The following CRLF3 variants were observed in gnomAD, a reference collection of about 807,000 sequenced individuals.
CRLF3 encodes cytokine receptor like factor 3, also known as cytokine receptor-like factor 3.
Under a neutral mutation model 55.0 loss-of-function variants are expected in CRLF3, and 33 were observed. The observed-to-expected ratio is 0.60, with a 90% CI of 0.46 to 0.80. CRLF3 has a LOEUF of 0.80. CRLF3 is among the 30% of genes least tolerant of loss of function. CRLF3 has a pLI of 0.00. For synonymous variants in CRLF3, 238 were observed against 196.8 expected (o/e 1.21, Z -1.75); for missense variants, 494 against 538.4 (o/e 0.92, Z 0.82).
chr17:30,807,517 CTTTTTTTTTTTTTTTTTTTT>C (rs778842582), intron 1 of CRLF3, among the ~76,000 whole-genome samples: 1 of 62,972 alleles, frequency 1.6e-5, no homozygotes, highest in Non-Finnish European at 2.9e-5. Flanking sequence ...ATTTTCTTTC[CTTTTTTTTTTTTTTTTTTTT>C]TTTTTTTTTT....
chr17:30,795,613 C>G (rs936843444), intron 4 of CRLF3, among the ~76,000 whole-genome samples: 3 of 151,648 alleles, frequency 2.0e-5, no homozygotes, highest in South Asian at 2.1e-4. Flanking sequence ...TCGCTGCACT[C>G]CAGCCTGGGC....
chr17:30,793,204 A>G (rs1567661010), intron 5 of CRLF3, among the ~76,000 whole-genome samples: 16 of 152,048 alleles, frequency 1.1e-4, no homozygotes, highest in Admixed American at 8.5e-4. Context: ...TGCCCTACAT[A>G]ATATTTTCAA....
chr17:30,824,150 TCCCCG>T (rs1373561520), intron 1 of CRLF3, among the ~76,000 whole-genome samples: 1 of 151,566 alleles, frequency 6.6e-6, no homozygotes, highest in Non-Finnish European at 1.5e-5. Flanking sequence ...AATCAATGCC[TCCCCG>T]CCTACCCACC....
chr17:30,823,286 C>T (rs558224840), intron 1 of CRLF3, among the ~76,000 whole-genome samples: 31 of 151,760 alleles, frequency 2.0e-4, no homozygotes, highest in African/African-American at 6.5e-4. Context: ...CGCTTGAACC[C>T]GGGAGGCGGA....
chr17:30,788,406 C>T (rs1971700830), intron 6 of CRLF3, among the ~76,000 whole-genome samples: 1 of 149,838 alleles, frequency 6.7e-6, no homozygotes, highest in Admixed American at 6.7e-5. Context: ...AAGGAAAGAG[C>T]AGGAATGTTC....
At chr17:30,819,034 C>T (rs1184672835) in intron 1 of CRLF3, among the ~76,000 whole-genome samples, 1 of 151,908 alleles carries the variant, frequency 6.6e-6, no homozygotes, top group African/African-American at 2.4e-5. Context: ...GAAGGCTGGT[C>T]TCAAACTCCT....
intron 1 of CRLF3, among the ~76,000 whole-genome samples, chr17:30,805,713 CAAAA>C (rs58852260): frequency 1.4e-5 from 1 of 70,988 alleles, no homozygotes. Context: ...GACTCCGTCT[CAAAA>C]AAAAAAAAAA....
At position 30,783,363 on chromosome 17, in the gene CRLF3, TC is replaced by T. The variant is rs1294903709; in HGVS notation, c.*823del. The stretch of plus-strand genomic sequence containing the variant: ...CCACTGCAGTGGCTCACACCTGTAA[TC>T]CTAGCACTTTGGAAGGCTGAGGTGG... On this transcript the variant is annotated 3_prime_UTR_variant, in exon 8 of 8. Coordinates refer to ENST00000324238, the MANE Select transcript of CRLF3 (RefSeq NM_015986.4). 1 of 152,222 alleles carries T rather than the reference TC, an allele frequency of 6.6e-6. No individual in the cohort carries two copies. The highest frequency in any genetic ancestry group is 1.5e-5 in the Non-Finnish European group (1 of 68,048). The allele number at this position is 152,222 out of a possible 1,614,324, so 9.4% of individuals were successfully genotyped here.
At chr17:30,821,307 T>G (rs888989629) in intron 1 of CRLF3, among the ~76,000 whole-genome samples, 1 of 147,942 alleles carries the variant, frequency 6.8e-6, no homozygotes, top group African/African-American at 2.5e-5. Context: ...GCCACTGCAC[T>G]CCAGCCTGGG....
rs117171945 is a variant in CRLF3, at chr17:30,804,047, C to T, written c.191G>A (p.Gly64Glu). The T allele has an allele frequency of 2.4e-5, 39 of 1,613,858 alleles. No homozygotes were observed. Among genetic ancestry groups the T allele is most frequent in the Non-Finnish European group, 3.1e-5 (37 of 1,179,982 alleles). ...VLKQHFNDLK[G>E]TLGKLLDERL... ...CTCATCCAGGAGCTTTCCAAGGGTTCCCTTTAAATCATTAAAATGCTGTTT... is the reference window on the plus strand; with the variant it reads ...CTCATCCAGGAGCTTTCCAAGGGTTTCCTTTAAATCATTAAAATGCTGTTT... Residue 64 changes from glycine to glutamate, a missense_variant, in exon 2 of 8, where the codon GGA becomes GAA. Physicochemically the swap from Gly to Glu is moderately conservative, Grantham distance 98. Coordinates refer to ENST00000324238, the MANE Select transcript of CRLF3 (RefSeq NM_015986.4).
At chr17:30,796,442 G>A (rs1971919908) in intron 3 of CRLF3, 105 bp from the exon 4 acceptor site, 1 of 787,772 alleles carries the variant, frequency 1.3e-6, no homozygotes, top group Non-Finnish European at 1.9e-6. Context: ...GAAGCCCCCA[G>A]TAATTAATTC....
intron 6 of CRLF3, among the ~76,000 whole-genome samples, chr17:30,788,947 A>G (rs1971718799): frequency 6.6e-6 from 1 of 152,028 alleles, no homozygotes; most frequent in African/African-American, 2.4e-5. Flanking sequence ...TCTAACTACT[A>G]GGCCCTTAAG....
Position 30,804,038 on chromosome 17 carries a change from C to T in CRLF3, c.200G>A (p.Gly67Glu), listed in dbSNP as rs763982011. The part of the protein sequence containing the change: ...QHFNDLKGTL[G>E]KLLDERLVTL... ...CACCAATCGCTCATCCAGGAGCTTT[C>T]CAAGGGTTCCCTTTAAATCATTAAA... The change falls in exon 2 of 8, where the codon GGA becomes GAA. Residue 67 changes from glycine (G) to glutamate (E), a missense_variant. Physicochemically the swap from Gly to Glu is moderately conservative, Grantham distance 98. Transcript: ENST00000324238. The T allele has an allele frequency of 6.2e-7, 1 of 1,613,760 alleles. No individual in the cohort carries two copies. Among genetic ancestry groups the T allele is most frequent in the South Asian group, 1.1e-5 (1 of 91,062 alleles).
chr17:30,789,199 G>A (rs768499944), intron 6 of CRLF3, among the ~76,000 whole-genome samples: 4 of 152,200 alleles, frequency 2.6e-5, no homozygotes, highest in Non-Finnish European at 1.5e-5. Context: ...ACCCTGCCAA[G>A]TGGGGCCTGG....
At chr17:30,786,072 T>C (rs770556168) in intron 6 of CRLF3, 41 bp from the exon 7 acceptor site, 2 of 1,109,848 alleles carry the variant, frequency 1.8e-6, no homozygotes, top group South Asian at 2.6e-5. Flanking sequence ...CTTTTAAAAA[T>C]ATAACATGAA....
In CRLF3 at chr17:30,824,647, C is replaced by T. The variant is rs754428135; in HGVS notation, c.5G>A (p.Arg2Lys). Reference sequence around the variant, plus strand: ...CTCAGGCTCCAGCTCCATCGCCCCCCTCATCTGGCCGCGCGGCCGGCGAAA... The same window carrying T: ...CTCAGGCTCCAGCTCCATCGCCCCCTTCATCTGGCCGCGCGGCCGGCGAAA... M[R>K]GAMELEPELL... The change falls in exon 1 of 8, where the codon AGG (arginine) becomes AAG (lysine). Residue 2 changes from arginine (R) to lysine (K), a missense_variant. Transcript: ENST00000324238. 7.5e-6 allele frequency: 12 copies of T among 1,591,416 alleles called. No homozygotes were observed. In the African/African-American group the frequency reaches 1.2e-4, roughly 16 times the overall value.
rs534482717 is a variant in CRLF3, at chr17:30,786,117, T to C, written c.960-86A>G. 1.8e-4 allele frequency: 138 copies of C among 757,028 alleles called. 1 individual carries two copies. In the South Asian group the frequency reaches 2.1e-3, roughly 11 times the overall value. 46.9% of individuals were successfully genotyped at this position (757,028 alleles called of 1,614,324 possible). A position where few individuals can be genotyped will look rare whatever the true frequency, so the allele number is the denominator to read the frequency against. On this transcript the variant is annotated intron_variant, in intron 6 of 7. Coordinates refer to ENST00000324238, the MANE Select transcript of CRLF3 (RefSeq NM_015986.4). ...ACAGCCACTAGCTTAAAAAGAGCAATCTCACCACAATTGTTTTTTTCTAAA... is the reference window on the plus strand; with the variant it reads ...ACAGCCACTAGCTTAAAAAGAGCAACCTCACCACAATTGTTTTTTTCTAAA...
intron 7 of CRLF3, 136 bp downstream of exon 7, chr17:30,785,781 TAA>T (rs55664579): frequency 0.022 from 9,047 of 415,552 alleles, no homozygotes; most frequent in South Asian, 0.036. Flanking sequence ...GACTTCATAA[TAA>T]AAAAAAAAAA....
At chr17:30,785,494 T>C (rs1035701821) in intron 7 of CRLF3, among the ~76,000 whole-genome samples, 2 of 151,866 alleles carry the variant, frequency 1.3e-5, no homozygotes, top group African/African-American at 4.8e-5. Flanking sequence ...AGACCAAAAC[T>C]TTCAGCCAGC....
Sources: gnomAD v4.1 joint callset for allele counts (sites outside exome capture counted in the v4.1 genomes callset) on GRCh38, gnomAD v4.1.1 for gene constraint, MANE v1.5 for transcripts, NCBI Gene and HGNC (gene_info 2026-07-23, HGNC 2026-07-21) for gene names.